Variants in SLCO4A1 observed in about 807,000 individuals in gnomAD.
SLCO4A1 encodes the protein colon organic anion transporter.
A neutral mutation model predicts 64.6 loss-of-function variants in SLCO4A1; 51 were observed. That is an observed-to-expected ratio of 0.79 (90% CI 0.63 to 1.00). SLCO4A1 has a LOEUF of 1.00. Among genes scored for constraint, SLCO4A1 ranks in the 50% least tolerant of loss-of-function variants. The probability of loss-of-function intolerance (pLI) is 0.00; values close to 1 mark genes in which losing one functional copy is unlikely to be tolerated. For missense variants in SLCO4A1, 919 were observed against 980.5 expected, an observed-to-expected ratio of 0.94 and a Z score of 0.84; for synonymous variants, 471 against 444.9, an observed-to-expected ratio of 1.06 and a Z score of -0.74.
chr20:62,650,498 C>G (rs544813001), intron 1 of SLCO4A1: 1 of 152,390 alleles, frequency 6.6e-6, no homozygotes, highest in Non-Finnish European at 1.5e-5. Flanking sequence ...CCCGCCTTAA[C>G]GCGGACCAGA....
At chr20:62,666,150 T>TTCCCCTTCCCC (rs1986287942) in intron 6 of SLCO4A1, 1 of 109,082 alleles carries the variant, frequency 9.2e-6, no homozygotes, top group Non-Finnish European at 1.8e-5. Context: ...CCCCTTCCCC[T>TTCCCCTTCCCC]TCCCCTCTGA....
chr20:62,654,308 A>G lies in SLCO4A1; in HGVS notation c.-96-2051A>G, dbSNP rs142070146. 4.6e-5 allele frequency among the ~76,000 whole-genome samples: 7 copies of G among 152,302 alleles called. 1 individual carries two copies. The highest frequency in any genetic ancestry group is 1.7e-4 in the African/African-American group (7 of 41,570). On this transcript the variant is annotated intron_variant, in intron 1 of 11. Transcript: ENST00000217159. ...GATCTCTTCTCAGATCACTTGTCAC[A>G]TCTGCAAAGACGCTTTTTCCAAATA...
chr20:62,657,066 T>C lies in SLCO4A1; in HGVS notation c.612T>C (p.Gly204=), dbSNP rs755753593. Reference sequence around the variant, plus strand: ...GCTATGAGGTGGAGTTGGACGCGGGTGTCAGGACGTGCCCTGCCAACCCCG... The same window carrying C: ...GCTATGAGGTGGAGTTGGACGCGGGCGTCAGGACGTGCCCTGCCAACCCCG... ...AGRYEVELDA[G]VRTCPANPGA... Residue 204 remains glycine, a synonymous_variant, in exon 2 of 12, where the codon GGT becomes GGC. Transcript: ENST00000217159. The C allele has an allele frequency of 6.3e-7, 1 of 1,599,754 alleles. No individual in the cohort carries two copies. The highest frequency in any genetic ancestry group is 1.7e-5 in the Admixed American group (1 of 59,582).
downstream of SLCO4A1, among the ~76,000 whole-genome samples, chr20:62,686,211 G>A (rs1167867749): frequency 2.0e-5 from 3 of 152,152 alleles, no homozygotes; most frequent in Non-Finnish European, 4.4e-5. Flanking sequence ...CGGAGCTCCT[G>A]GTACAGGATG....
chr20:62,661,711 C>T lies in SLCO4A1; in HGVS notation c.1121+536C>T, dbSNP rs142675723. On this transcript the variant is annotated intron_variant, in intron 5 of 11. Transcript: ENST00000217159. This position sits in a 1 kb window ranked among gnomAD's most constrained non-coding sequence, Gnocchi z 5.2. The stretch of plus-strand genomic sequence containing the variant: ...TCTCTGAGGACCTCCCCCCTCTACC[C>T]GGCGTGTCCCGCTCACCCTCTGGGG... Among the ~76,000 whole-genome samples the T allele has an allele frequency of 3.6e-3, 540 of 151,976 alleles. 7 individuals carry two copies. Among genetic ancestry groups the T allele is most frequent in the African/African-American group, 0.012 (513 of 41,434 alleles).
intron 7 of SLCO4A1, among the ~76,000 whole-genome samples, chr20:62,667,029 G>C (rs1301456548): frequency 1.3e-5 from 2 of 152,232 alleles, no homozygotes; most frequent in Non-Finnish European, 2.9e-5. Flanking sequence ...CTGCACCTCG[G>C]CCCTGCCCTG....
At chr20:62,675,352 C>T (rs544554175), downstream of SLCO4A1, among the ~76,000 whole-genome samples, 1 of 152,112 alleles carries the variant, frequency 6.6e-6, no homozygotes, top group East Asian at 1.9e-4. Flanking sequence ...GTGGGCAGCC[C>T]GGGCTGCCGG....
In SLCO4A1 at chr20:62,647,429, G is replaced by A. The variant is rs547368923; in HGVS notation, c.-97+4876G>A. Among the ~76,000 whole-genome samples the A allele has an allele frequency of 3.9e-5, 6 of 152,316 alleles. No homozygotes were observed. In the South Asian group the frequency reaches 1.2e-3, roughly 32 times the overall value. The stretch of plus-strand genomic sequence containing the variant: ...TGGGCTGGAATCTGAAGAGAAAGGA[G>A]AACTGAGACCCTATGGTCCTGCCTG... On this transcript the variant is annotated intron_variant, in intron 1 of 11. Coordinates refer to ENST00000217159, the MANE Select transcript of SLCO4A1 (RefSeq NM_016354.4).
chr20:62,669,045 C>A lies in SLCO4A1; in HGVS notation c.1992C>A (p.Ser664Arg). ...TGGTGTACCAGAATTCGGCCATGAG[C>A]CGCTACATACTCATCATGGGGCTCC... ...SCLVYQNSAM[S>R]RYILIMGLLY... The change falls in exon 11 of 12, where the codon AGC becomes AGA. Residue 664 changes from serine (S) to arginine (R), a missense_variant. Coordinates refer to ENST00000217159, the MANE Select transcript of SLCO4A1 (RefSeq NM_016354.4). 1 of 1,611,346 alleles carries A rather than the reference C, an allele frequency of 6.2e-7. No homozygotes were observed.
intron 1 of SLCO4A1, chr20:62,650,830 A>G (rs1982349188): frequency 6.6e-6 from 1 of 152,220 alleles, no homozygotes; most frequent in South Asian, 2.1e-4. Flanking sequence ...TAGCCCTGAA[A>G]TGTAAGTCCT....
rs369945215 is a variant in SLCO4A1, at chr20:62,679,901, G to A, written n.212-5540G>A. Among the ~76,000 whole-genome samples the A allele has an allele frequency of 2.6e-5, 4 of 152,268 alleles. No homozygotes were observed. In the South Asian group the frequency reaches 6.2e-4, roughly 24 times the overall value. On this transcript the variant is annotated intron_variant and non_coding_transcript_variant, in intron 2 of 2. Coordinates refer to the SLCO4A1 transcript ENST00000466818. ...CAGGTGATTATTCATAGACTCTCTCGAATAAAGGAAAGGTCTGCAGTGGAT... is the reference window on the plus strand; with the variant it reads ...CAGGTGATTATTCATAGACTCTCTCAAATAAAGGAAAGGTCTGCAGTGGAT...
chr20:62,666,303 G>A, intron 6 of SLCO4A1, 77 bp from the exon 7 acceptor site: 2 of 1,334,442 alleles, frequency 1.5e-6, no homozygotes, highest in Non-Finnish European at 2.1e-6. Context: ...CCTGTAAAGT[G>A]GACCCGGCTG....
chr20:62,673,446 G>GTGCCGGCTTCCAGTGACC, downstream of SLCO4A1, among the ~76,000 whole-genome samples: 1 of 143,728 alleles, frequency 7.0e-6, no homozygotes, highest in African/African-American at 2.5e-5. Context: ...ATGCTGGGCA[G>GTGCCGGCTTCCAGTGACC]TGCCGGCTTC....
chr20:62,676,139 G>A (rs186128363), downstream of SLCO4A1, among the ~76,000 whole-genome samples: 1 of 152,184 alleles, frequency 6.6e-6, no homozygotes, highest in Non-Finnish European at 1.5e-5. Context: ...AATTCGGCCG[G>A]CTCGCCAGCG....
At chr20:62,673,961 T>C (rs1987465605), downstream of SLCO4A1, among the ~76,000 whole-genome samples, 1 of 152,234 alleles carries the variant, frequency 6.6e-6, no homozygotes, top group East Asian at 1.9e-4. Context: ...GCCAGTCCTT[T>C]GCCGCTCACC....
chr20:62,658,627 C>A, intron 2 of SLCO4A1, 50 bp from the exon 3 acceptor site: 1 of 1,487,386 alleles, frequency 6.7e-7, no homozygotes, highest in Non-Finnish European at 9.2e-7. Flanking sequence ...CGGCCCTCCG[C>A]AGCCCCTGGG....
downstream of SLCO4A1, among the ~76,000 whole-genome samples, chr20:62,675,056 C>G (rs984175959): frequency 1.3e-5 from 2 of 152,194 alleles, no homozygotes; most frequent in Non-Finnish European, 2.9e-5. Flanking sequence ...GCCCTGCCCC[C>G]ACCCTGGATG....
In SLCO4A1 at chr20:62,661,589, A is replaced by AC. The variant is rs56797324; in HGVS notation, c.1121+420dup. 6.9e-5 allele frequency among the ~76,000 whole-genome samples: 9 copies of AC among 131,168 alleles called. No individual in the cohort carries two copies. The highest frequency in any genetic ancestry group is 1.2e-4 in the Non-Finnish European group (7 of 60,160). The allele number at this position is 131,168 out of a possible 152,430, so 86.1% of individuals were successfully genotyped here. A position where few individuals can be genotyped will look rare whatever the true frequency, so the allele number is the denominator to read the frequency against. On this transcript the variant is annotated intron_variant, in intron 5 of 11. Coordinates refer to ENST00000217159, the MANE Select transcript of SLCO4A1 (RefSeq NM_016354.4). The surrounding 1 kb of genome is among the most constrained non-coding windows in gnomAD (Gnocchi z 5.2). ...GACTTGAGACCCTTCCCTCACCATGACCCCCCACACTCTAATTCCCTTTCA... is the reference window on the plus strand; with the variant it reads ...GACTTGAGACCCTTCCCTCACCATGACCCCCCCACACTCTAATTCCCTTTCA...
At chr20:62,682,270 G>T (rs1049272096) in intron 2 of SLCO4A1, among the ~76,000 whole-genome samples, 2 of 152,242 alleles carry the variant, frequency 1.3e-5, no homozygotes, top group African/African-American at 4.8e-5. Context: ...GACCTGGCTT[G>T]CGGGACAAGA....
Sources: allele counts gnomAD v4.1 joint callset (sites outside exome capture counted in the v4.1 genomes callset), GRCh38; gene constraint gnomAD v4.1.1; non-coding constraint Gnocchi (gnomAD v3.1); transcripts MANE v1.5; gene names NCBI Gene and HGNC (gene_info 2026-07-23, HGNC 2026-07-21).